The following RALGAPA1 variants were observed in gnomAD, a reference collection of about 807,000 sequenced individuals.
RALGAPA1 encodes ral GTPase-activating protein subunit alpha-1.
A neutral mutation model predicts 269.6 loss-of-function variants in RALGAPA1; 52 were observed. The observed-to-expected ratio is 0.19, with a 90% CI of 0.15 to 0.24. The LOEUF (loss-of-function observed/expected upper bound fraction) is 0.24. Ranked by LOEUF, RALGAPA1 falls within the 10% of genes least tolerant of loss-of-function variation. The probability of loss-of-function intolerance (pLI) is 1.00; values close to 1 mark genes in which losing one functional copy is unlikely to be tolerated. For missense variants in RALGAPA1, 1,917 were observed against 3,013.9 expected (o/e 0.64, Z 8.52); for synonymous variants, 817 against 1,008.3 (o/e 0.81, Z 3.60).
intron 31 of RALGAPA1, 79 bp downstream of exon 31, chr14:35,651,726 A>G: frequency 1.5e-6 from 2 of 1,312,398 alleles, no homozygotes; most frequent in South Asian, 3.4e-5. Context: ...CCATGTAAAT[A>G]TACATACCTT....
chr14:35,561,675 A>AT (rs1276341021), intron 39 of RALGAPA1, among the ~76,000 whole-genome samples: 7 of 151,588 alleles, frequency 4.6e-5, no homozygotes, highest in Admixed American at 1.3e-4. Context: ...TGCCTGGCTA[A>AT]TTTTTTGTAT....
At chr14:35,729,359 A>C (rs1257360656) in intron 12 of RALGAPA1, among the ~76,000 whole-genome samples, 1 of 152,144 alleles carries the variant, frequency 6.6e-6, no homozygotes, top group African/African-American at 2.4e-5. Context: ...CTAAGAAAAA[A>C]GCACACATTC....
chr14:35,764,709 T>A (rs1171376703), intron 4 of RALGAPA1, among the ~76,000 whole-genome samples: 1 of 151,878 alleles, frequency 6.6e-6, no homozygotes, highest in African/African-American at 2.4e-5. Context: ...CATGCCTGGA[T>A]AATTTTTGTA....
chr14:35,542,443 TA>T (rs1427896110), intron 41 of RALGAPA1: 4 of 156,558 alleles, frequency 2.6e-5, no homozygotes, highest in African/African-American at 9.6e-5. Context: ...TCACTGCCTT[TA>T]AAGTGAAATC....
At chr14:35,659,035 CT>C in intron 28 of RALGAPA1, 102 bp downstream of exon 28, 2 of 655,202 alleles carry the variant, frequency 3.1e-6, no homozygotes. Flanking sequence ...TTCAGAATGG[CT>C]TTTATGTATC....
intron 1 of RALGAPA1, among the ~76,000 whole-genome samples, chr14:35,786,012 C>T (rs1289302102): frequency 2.0e-5 from 3 of 151,958 alleles, no homozygotes; most frequent in African/African-American, 7.3e-5. Context: ...AAAAAATTAG[C>T]TGGGCGTGGT....
At chr14:35,553,929 C>A (rs1486422818) in intron 39 of RALGAPA1, among the ~76,000 whole-genome samples, 2 of 151,748 alleles carry the variant, frequency 1.3e-5, no homozygotes, top group African/African-American at 2.4e-5. Flanking sequence ...ATTTAGTAAG[C>A]ACTTCCCTAC....
Position 35,645,389 on chromosome 14 carries a change from GTA to G in RALGAPA1, c.5676+6414_5676+6415del, listed in dbSNP as rs1555387902. 7.6e-3 allele frequency among the ~76,000 whole-genome samples: 1,072 copies of G among 140,796 alleles called. 9 individuals are homozygous for G. The highest frequency in any genetic ancestry group is 9.1e-3 in the South Asian group (41 of 4,484). 92.4% of individuals were successfully genotyped at this position (140,796 alleles called of 152,430 possible). On this transcript the variant is annotated intron_variant, in intron 31 of 41. Coordinates refer to ENST00000680220, the MANE Select transcript of RALGAPA1 (RefSeq NM_001346249.2). ...TGTGTGTGTGTGTGTGTGTGTGTGTGTATATGTTATGTATTTCCTAGCTGTAT... is the reference window on the plus strand; with the variant it reads ...TGTGTGTGTGTGTGTGTGTGTGTGTGTATGTTATGTATTTCCTAGCTGTAT...
Position 35,689,116 on chromosome 14 carries a change from GCATAA to G in RALGAPA1, c.3290_3294del (p.Val1097AlafsTer12). On this transcript the variant is annotated frameshift_variant, in exon 18 of 42. Transcript: ENST00000680220. LOFTEE classifies it high-confidence loss of function. ...GCTTTTAGTGTTGCTTTCTTGGCACGCATAACATGTGGGACAGTGATTTTTTCATT... is the reference window on the plus strand; with the variant it reads ...GCTTTTAGTGTTGCTTTCTTGGCACGCATGTGGGACAGTGATTTTTTCATT... The G allele has an allele frequency of 8.1e-7, 1 of 1,235,396 alleles. No individual in the cohort carries two copies. Among genetic ancestry groups the G allele is most frequent in the Non-Finnish European group, 1.0e-6 (1 of 990,048 alleles). The allele number at this position is 1,235,396 out of a possible 1,614,324, so 76.5% of individuals were successfully genotyped here.
chr14:35,664,832 C>G (rs2063804983), intron 26 of RALGAPA1, 65 bp from the exon 27 acceptor site: 1 of 1,499,064 alleles, frequency 6.7e-7, no homozygotes, highest in Non-Finnish European at 9.1e-7. Flanking sequence ...AGAAAAGTTG[C>G]TTTGTTATCC....
At chr14:35,665,162 G>T (rs1336779867) in intron 26 of RALGAPA1, among the ~76,000 whole-genome samples, 1 of 152,108 alleles carries the variant, frequency 6.6e-6, no homozygotes, top group East Asian at 1.9e-4. Flanking sequence ...TACCAAGGAT[G>T]AATAAAGAAG....
At chr14:35,549,386 T>C (rs1389642493) in intron 39 of RALGAPA1, 152 bp from the exon 40 acceptor site, 1 of 734,186 alleles carries the variant, frequency 1.4e-6, no homozygotes, top group Non-Finnish European at 2.0e-6. Flanking sequence ...AGTATGGCTT[T>C]TTAAAGTGCA....
chr14:35,632,258 T>C (rs2061403954), intron 33 of RALGAPA1, among the ~76,000 whole-genome samples: 1 of 152,194 alleles, frequency 6.6e-6, no homozygotes, highest in South Asian at 2.1e-4. Flanking sequence ...TGAAATTCTC[T>C]AGTTTAGATA....
At chr14:35,598,510 C>A (rs1210205536) in intron 36 of RALGAPA1, among the ~76,000 whole-genome samples, 3 of 152,074 alleles carry the variant, frequency 2.0e-5, no homozygotes, top group Non-Finnish European at 2.9e-5. Context: ...ACCTCCGCCT[C>A]CTGGGTTCAA....
intron 17 of RALGAPA1, among the ~76,000 whole-genome samples, chr14:35,695,901 C>T (rs1423919062): frequency 2.0e-5 from 3 of 152,072 alleles, no homozygotes; most frequent in Non-Finnish European, 4.4e-5. Flanking sequence ...AAGTAATTAT[C>T]AAAGGCCAAT....
intron 3 of RALGAPA1, among the ~76,000 whole-genome samples, chr14:35,771,834 CA>C (rs1236063804): frequency 6.6e-6 from 1 of 150,496 alleles, no homozygotes; most frequent in Non-Finnish European, 1.5e-5. Flanking sequence ...CTATGTCTAG[CA>C]ATTCCTAGAA....
intron 17 of RALGAPA1, among the ~76,000 whole-genome samples, chr14:35,691,747 A>G (rs776481184): frequency 1.7e-4 from 26 of 152,194 alleles, no homozygotes; most frequent in Non-Finnish European, 3.1e-4. Context: ...CTAAATTGAG[A>G]TCAACATAGG....
In RALGAPA1 at chr14:35,774,996, A is replaced by C; in HGVS notation, c.267+10T>G. The C allele has an allele frequency of 6.5e-7, 1 of 1,541,934 alleles. No homozygotes were observed. Among genetic ancestry groups the C allele is most frequent in the Non-Finnish European group, 8.9e-7 (1 of 1,124,620 alleles). Reference sequence around the variant, plus strand: ...TGAAAAAGGGAAAAGTTAGGTTCAGAAGCACTTACCTCAAAAATAAAAAGT... The same window carrying C: ...TGAAAAAGGGAAAAGTTAGGTTCAGCAGCACTTACCTCAAAAATAAAAAGT... On this transcript the variant is annotated intron_variant, in intron 3 of 41. Coordinates refer to ENST00000680220, the MANE Select transcript of RALGAPA1 (RefSeq NM_001346249.2).
chr14:35,749,363 T>C (rs2072456854), intron 9 of RALGAPA1, among the ~76,000 whole-genome samples: 1 of 151,980 alleles, frequency 6.6e-6, no homozygotes, highest in Admixed American at 6.6e-5. Context: ...TGAGAGAAAA[T>C]TCTATAATTC....
Sources: gnomAD v4.1 joint callset for allele counts (sites outside exome capture counted in the v4.1 genomes callset) on GRCh38, gnomAD v4.1.1 for gene constraint, MANE v1.5 for transcripts, NCBI Gene and HGNC (gene_info 2026-07-23, HGNC 2026-07-21) for gene names.